Variants in BAHCC1 observed in about 807,000 individuals in gnomAD.
The protein encoded by BAHCC1 is BAH domain and coiled-coil containing 1, also known as BAH and coiled-coil domain-containing protein 1.
In BAHCC1, 43 loss-of-function variants were observed where a neutral mutation model predicts 88.2. The ratio of observed to expected loss-of-function variants is 0.49; its 90% CI spans 0.38 to 0.63. The LOEUF is 0.63. Ranked by LOEUF, BAHCC1 falls within the 20% of genes least tolerant of loss-of-function variation. BAHCC1 has a pLI of 0.00. For synonymous variants in BAHCC1, 1,510 were observed against 745.5 expected, an observed-to-expected ratio of 2.03 and a Z score of -16.71; for missense variants, 3,023 against 1,654.8, an observed-to-expected ratio of 1.83 and a Z score of -14.34.
At chr17:81,429,317 C>T (rs989407177) in intron 3 of BAHCC1, among the ~76,000 whole-genome samples, 2 of 152,248 alleles carry the variant, frequency 1.3e-5, no homozygotes, top group South Asian at 4.1e-4. Flanking sequence ...CTGCGAGGCC[C>T]GTGCTCCAGC....
chr17:81,458,687 C>G lies in BAHCC1; in HGVS notation c.5410C>G (p.Arg1804Gly). The G allele has an allele frequency of 4.1e-6, 3 of 726,058 alleles. No individual in the cohort carries two copies. Among genetic ancestry groups the G allele is most frequent in the Non-Finnish European group, 7.7e-6 (3 of 390,184 alleles). The allele number at this position is 726,058 out of a possible 1,614,324, so 45.0% of individuals were successfully genotyped here. A position where few individuals can be genotyped will look rare whatever the true frequency, so the allele number is the denominator to read the frequency against. Reference sequence around the variant, plus strand: ...CGCCAAGGCCATCCTGGGGAAGGGCCGGAAGCTGAGCAAGGTGAAGCACAA... The same window carrying G: ...CGCCAAGGCCATCCTGGGGAAGGGCGGGAAGCTGAGCAAGGTGAAGCACAA... ...RNAKAILGKG[R>G]KLSKVKHKAG... Residue 1804 changes from arginine (R) to glycine (G), a missense_variant, in exon 19 of 28, where the codon CGG becomes GGG. Physicochemically the swap from Arg to Gly is moderately radical, Grantham distance 125. Transcript: ENST00000675386.
intron 3 of BAHCC1, among the ~76,000 whole-genome samples, chr17:81,436,311 G>T (rs926197941): frequency 7.9e-5 from 12 of 152,194 alleles, no homozygotes; most frequent in African/African-American, 2.4e-5. Flanking sequence ...CTGCCCACCC[G>T]CAGCTGCCCC....
rs553569514 is a variant in BAHCC1 at position 81,435,246 on chromosome 17, C to T, written c.359-3124C>T. 9.2e-5 allele frequency among the ~76,000 whole-genome samples: 14 copies of T among 152,266 alleles called. No homozygotes were observed. In the South Asian group the frequency reaches 2.1e-3, roughly 23 times the overall value. On this transcript the variant is annotated intron_variant, in intron 3 of 27. Transcript: ENST00000675386. The surrounding 1 kb of genome is among the most constrained non-coding windows in gnomAD (Gnocchi z 4.4). ...CTGGGGGTGTGGCCATTGTGTCCCC[C>T]GCCCAGCCCACGCGTGGCCCCCTGG...
At chr17:81,416,244 G>A (rs1383965405) in intron 2 of BAHCC1, among the ~76,000 whole-genome samples, 3 of 149,674 alleles carry the variant, frequency 2.0e-5, no homozygotes, top group South Asian at 2.1e-4. Flanking sequence ...GGGTGTATGC[G>A]TGTGTGTACG....
At chr17:81,440,913 G>A (rs949292301) in intron 4 of BAHCC1, among the ~76,000 whole-genome samples, 5 of 152,250 alleles carry the variant, frequency 3.3e-5, no homozygotes, top group Admixed American at 2.0e-4. Context: ...GCAGGTGGGT[G>A]AGCCCTTCCT....
intron 6 of BAHCC1, 122 bp downstream of exon 6, chr17:81,444,039 G>A (rs1427999855): frequency 9.4e-6 from 6 of 641,426 alleles, no homozygotes; most frequent in East Asian, 2.7e-5. Flanking sequence ...ATGGCCGGCC[G>A]TGGGTGGGGT....
At chr17:81,446,195 C>T (rs1248134696) in intron 10 of BAHCC1, among the ~76,000 whole-genome samples, 2 of 152,160 alleles carry the variant, frequency 1.3e-5, no homozygotes, top group Non-Finnish European at 1.5e-5. Flanking sequence ...CACTGGAAAC[C>T]GTGTGGCGAA....
rs374926350 is a variant in BAHCC1, at chr17:81,458,783, C to A, written c.5449-30C>A. 1.3e-5 allele frequency: 10 copies of A among 758,218 alleles called. No homozygotes were observed. In the African/African-American group the frequency reaches 1.7e-4, roughly 13 times the overall value. 47.0% of individuals were successfully genotyped at this position (758,218 alleles called of 1,614,324 possible). ...CACCCACCTGCACCCCGCCTGCACC[C>A]CACCCAAGCCTGACTCCTCTGGCCC... On this transcript the variant is annotated intron_variant, in intron 19 of 27. Transcript: ENST00000675386.
rs530827954 is a variant in BAHCC1, at chr17:81,459,262, C to T, written c.5730C>T (p.Ile1910=). The change falls in exon 22 of 28, where the codon ATC becomes ATT. Residue 1910 remains isoleucine (I), a synonymous_variant. Coordinates refer to ENST00000675386, the MANE Select transcript of BAHCC1 (RefSeq NM_001377448.1). The part of the protein sequence containing the change: ...RTLQPPDIYS[I]VIEGERGNRQ... ...TCCCCAATGCCCCCAGCTATAGCAT[C>T]GTCATCGAGGGCGAGAGGGGCAACC... is the stretch of plus-strand genomic sequence containing the variant. The T allele has an allele frequency of 1.5e-4, 116 of 779,346 alleles. No individual in the cohort carries two copies. Among genetic ancestry groups the T allele is most frequent in the Non-Finnish European group, 2.0e-4 (83 of 417,670 alleles). The allele number at this position is 779,346 out of a possible 1,614,324, so 48.3% of individuals were successfully genotyped here.
chr17:81,426,163 G>GGTGATAGTGGTTGGT (rs2064194985), intron 2 of BAHCC1, among the ~76,000 whole-genome samples: 2 of 145,206 alleles, frequency 1.4e-5, no homozygotes, highest in Admixed American at 6.9e-5. Context: ...ATGTGGTTGG[G>GGTGATAGTGGTTGGT]GGTGATAGTG....
Position 81,460,693 on chromosome 17 carries a change from C to T in BAHCC1, c.6189C>T (p.Ser2063=). The T allele has an allele frequency of 2.6e-6, 2 of 773,306 alleles. No individual in the cohort carries two copies. Among genetic ancestry groups the T allele is most frequent in the Non-Finnish European group, 4.8e-6 (2 of 414,866 alleles). 47.9% of individuals were successfully genotyped at this position (773,306 alleles called of 1,614,324 possible). A position where few individuals can be genotyped will look rare whatever the true frequency, so the allele number is the denominator to read the frequency against. ...AGACACCTGGGAAAAAATCCATTAG[C>T]AAAGACAAAGCTGGTATTTTACCGG... is the stretch of plus-strand genomic sequence containing the variant. ...ALKTPGKKSI[S]KDKAGKAELL... The change falls in exon 25 of 28, where the codon AGC becomes AGT. Residue 2063 remains serine, a synonymous_variant. Transcript: ENST00000675386.
At chr17:81,413,334 C>T (rs1456748612) in intron 2 of BAHCC1, among the ~76,000 whole-genome samples, 1 of 152,216 alleles carries the variant, frequency 6.6e-6, no homozygotes, top group African/African-American at 2.4e-5. Flanking sequence ...GCCCCGGGCT[C>T]ACTGGAAGCC....
In BAHCC1 at chr17:81,399,364, G is replaced by C. The variant is rs1335597797; in HGVS notation, c.-206-170G>C. The C allele has an allele frequency of 2.0e-5, 3 of 147,820 alleles. No individual in the cohort carries two copies. Among genetic ancestry groups the C allele is most frequent in the African/African-American group, 7.4e-5 (3 of 40,490 alleles). The allele number at this position is 147,820 out of a possible 1,614,324, so 9.2% of individuals were successfully genotyped here. A position where few individuals can be genotyped will look rare whatever the true frequency, so the allele number is the denominator to read the frequency against. On this transcript the variant is annotated intron_variant, in intron 1 of 27. Transcript: ENST00000675386. The surrounding 1 kb of genome is among the most constrained non-coding windows in gnomAD (Gnocchi z 4.5). ...GCCCCGGGTGCTGGGCTGCGCGCGCGTGCGGCGGGGAGACACCGAGCGCCC... is the reference window on the plus strand; with the variant it reads ...GCCCCGGGTGCTGGGCTGCGCGCGCCTGCGGCGGGGAGACACCGAGCGCCC...
intron 15 of BAHCC1, among the ~76,000 whole-genome samples, chr17:81,455,885 C>T (rs868918605): frequency 6.6e-6 from 1 of 152,256 alleles, no homozygotes; most frequent in Non-Finnish European, 1.5e-5. Context: ...CCTCCTGCCC[C>T]TCCTCTCTCC....
chr17:81,443,904 G>A lies in BAHCC1; in HGVS notation c.2311G>A (p.Glu771Lys), dbSNP rs376066263. Residue 771 changes from glutamate (E) to lysine (K), a missense_variant, in exon 6 of 28, where the codon GAG becomes AAG. Physicochemically the swap from Glu to Lys is moderately conservative, Grantham distance 56. Transcript: ENST00000675386. ...CDDRLGLASR[E>K]LLLQDSKDRV... ...TGACCGCCTGGGGCTTGCCAGCCGC[G>A]AGCTGCTGCTGCAGTGAGAGCTGGG... The A allele has an allele frequency of 1.8e-5, 13 of 711,650 alleles. No individual in the cohort carries two copies. The highest frequency in any genetic ancestry group is 1.4e-4 in the African/African-American group (8 of 57,382). 44.1% of individuals were successfully genotyped at this position (711,650 alleles called of 1,614,324 possible). A position where few individuals can be genotyped will look rare whatever the true frequency, so the allele number is the denominator to read the frequency against.
At chr17:81,432,251 A>G (rs1164793408) in intron 3 of BAHCC1, among the ~76,000 whole-genome samples, 2 of 152,070 alleles carry the variant, frequency 1.3e-5, no homozygotes, top group Non-Finnish European at 2.9e-5. Context: ...CCGATGGTGC[A>G]GCCGCCCCGG....
At chr17:81,406,591 G>A (rs2063882430) in intron 2 of BAHCC1, among the ~76,000 whole-genome samples, 1 of 152,252 alleles carries the variant, frequency 6.6e-6, no homozygotes, top group Non-Finnish European at 1.5e-5. Flanking sequence ...CTCGGGCTCC[G>A]CCCGCTGACG....
chr17:81,424,598 G>A (rs1231406128), intron 2 of BAHCC1, among the ~76,000 whole-genome samples: 1 of 152,174 alleles, frequency 6.6e-6, no homozygotes, highest in South Asian at 2.1e-4. Flanking sequence ...TGGTGGTGGT[G>A]TGGTTGTTGT....
At position 81,435,433 on chromosome 17, in the gene BAHCC1, C is replaced by T. The variant is rs2064322184; in HGVS notation, c.359-2937C>T. 4.3e-6 allele frequency: 2 copies of T among 470,208 alleles called. No individual in the cohort carries two copies. Among genetic ancestry groups the T allele is most frequent in the Non-Finnish European group, 8.8e-6 (2 of 226,934 alleles). The allele number at this position is 470,208 out of a possible 1,614,324, so 29.1% of individuals were successfully genotyped here. Reference sequence around the variant, plus strand: ...TGCCCCCAGGGCTCTTCCCCACGCTCCACCAGGCTCCGAGGGCACCAGCAG... The same window carrying T: ...TGCCCCCAGGGCTCTTCCCCACGCTTCACCAGGCTCCGAGGGCACCAGCAG... On this transcript the variant is annotated intron_variant, in intron 3 of 27. Transcript: ENST00000675386. This position sits in a 1 kb window ranked among gnomAD's most constrained non-coding sequence, Gnocchi z 4.4.
Sources: allele counts gnomAD v4.1 joint callset (sites outside exome capture counted in the v4.1 genomes callset), GRCh38; gene constraint gnomAD v4.1.1; non-coding constraint Gnocchi (gnomAD v3.1); transcripts MANE v1.5; gene names NCBI Gene and HGNC (gene_info 2026-07-23, HGNC 2026-07-21).